The following TCF23 variants were observed in gnomAD, a reference collection of about 807,000 sequenced individuals.
TCF23 encodes class A basic helix-loop-helix protein 24.
In TCF23, 7 loss-of-function variants were observed where a neutral mutation model predicts 13.0. That is an observed-to-expected ratio of 0.54 (90% CI 0.31 to 1.01). TCF23 has a LOEUF of 1.01. Ranked by LOEUF, TCF23 falls within the 50% of genes least tolerant of loss-of-function variation. TCF23 has a pLI of 0.06. For synonymous variants in TCF23, 122 were observed against 119.5 expected, an observed-to-expected ratio of 1.02 and a Z score of -0.14; for missense variants, 257 against 289.8, an observed-to-expected ratio of 0.89 and a Z score of 0.82.
chr2:27,150,199 A>G lies in TCF23; in HGVS notation c.299A>G (p.Gln100Arg), dbSNP rs144811550. Residue 100 changes from glutamine (Q) to arginine (R), a missense_variant, in exon 2 of 3, where the codon CAG becomes CGG. Gln to Arg is a conservative substitution (Grantham distance 43). Transcript: ENST00000296096. This position sits in a 1 kb window ranked among gnomAD's most constrained non-coding sequence, Gnocchi z 4.1. ...CTGCGCCAGGCCTTCTTGGCCTTGC[A>G]GGCTGCTCTGCCTGCCGTGCCGCCC... The part of the protein sequence containing the change: ...RTLRQAFLAL[Q>R]AALPAVPPDT... The G allele has an allele frequency of 1.2e-6, 2 of 1,612,620 alleles. No homozygotes were observed. Among genetic ancestry groups the G allele is most frequent in the Admixed American group, 1.7e-5 (1 of 59,994 alleles).
intron 1 of TCF23, chr2:27,149,572 C>T: frequency 1.5e-6 from 1 of 655,024 alleles, no homozygotes; most frequent in Non-Finnish European, 2.8e-6. Flanking sequence ...TGCACTAACT[C>T]ACTTCTCTTG....
Position 27,150,758 on chromosome 2 carries a change from G to A in TCF23, c.465+393G>A, listed in dbSNP as rs1672750193. On this transcript the variant is annotated intron_variant, in intron 2 of 2. Transcript: ENST00000296096. The surrounding 1 kb of genome is among the most constrained non-coding windows in gnomAD (Gnocchi z 4.1). ...TTGTGCCTGCCTTGGTGCTTTCTAGGCTTCTGTTGCAAGAGAGGTCTGTCC... is the reference window on the plus strand; with the variant it reads ...TTGTGCCTGCCTTGGTGCTTTCTAGACTTCTGTTGCAAGAGAGGTCTGTCC... 6.6e-6 allele frequency among the ~76,000 whole-genome samples: 1 copy of A among 152,130 alleles called. No individual in the cohort carries two copies.
In TCF23 at chr2:27,155,581, T is replaced by A. The variant is rs939080448; in HGVS notation, c.*2714T>A. The A allele has an allele frequency of 6.6e-6, 1 of 151,492 alleles. No individual in the cohort carries two copies. The highest frequency in any genetic ancestry group is 1.5e-5 in the Non-Finnish European group (1 of 67,896). 9.4% of individuals were successfully genotyped at this position (151,492 alleles called of 1,614,324 possible). ...GATGAAACCCCTTCTTTACTAAAAA[T>A]ACAAAAATTAGCCAGATGTCGTAGT... On this transcript the variant is annotated 3_prime_UTR_variant, in exon 3 of 3. Coordinates refer to ENST00000296096, the MANE Select transcript of TCF23 (RefSeq NM_175769.3).
chr2:27,152,712 T>C lies in TCF23; in HGVS notation c.490T>C (p.Tyr164His), dbSNP rs1255926756. 2 of 1,614,000 alleles carry C rather than the reference T, an allele frequency of 1.2e-6. No homozygotes were observed. The highest frequency in any genetic ancestry group is 2.2e-5 in the East Asian group (1 of 44,880). Residue 164 changes from tyrosine (Y) to histidine (H), a missense_variant, in exon 3 of 3, where the codon TAT becomes CAT. Tyr to His is a moderately conservative substitution (Grantham distance 83, BLOSUM62 2). Coordinates refer to ENST00000296096, the MANE Select transcript of TCF23 (RefSeq NM_175769.3). ...LKKWPMRSRLYAGGLGYSDLD... is the reference protein window; with the variant it reads ...LKKWPMRSRLHAGGLGYSDLD... ...GAAGTGGCCGATGCGATCTCGTCTC[T>C]ATGCTGGAGGCCTGGGGTACTCCGA...
Position 27,153,977 on chromosome 2 carries a change from C to T in TCF23, c.*1110C>T, listed in dbSNP as rs1672801273. On this transcript the variant is annotated 3_prime_UTR_variant, in exon 3 of 3. Coordinates refer to ENST00000296096, the MANE Select transcript of TCF23 (RefSeq NM_175769.3). Reference sequence around the variant, plus strand: ...GCCCTCAAGCAAAAACAAGATAGGCCTGCCTTCAACTGCTCAACCACTCAA... The same window carrying T: ...GCCCTCAAGCAAAAACAAGATAGGCTTGCCTTCAACTGCTCAACCACTCAA... 6.6e-6 allele frequency: 1 copy of T among 152,192 alleles called. No individual in the cohort carries two copies. The highest frequency in any genetic ancestry group is 6.5e-5 in the Admixed American group (1 of 15,280). The allele number at this position is 152,192 out of a possible 1,614,324, so 9.4% of individuals were successfully genotyped here.
chr2:27,150,203 T>C lies in TCF23; in HGVS notation c.303T>C (p.Ala101=). 1 of 1,612,844 alleles carries C rather than the reference T, an allele frequency of 6.2e-7. No homozygotes were observed. Among genetic ancestry groups the C allele is most frequent in the South Asian group, 1.1e-5 (1 of 91,050 alleles). Residue 101 remains alanine, a synonymous_variant, in exon 2 of 3, where the codon GCT becomes GCC. Coordinates refer to ENST00000296096, the MANE Select transcript of TCF23 (RefSeq NM_175769.3). This position sits in a 1 kb window ranked among gnomAD's most constrained non-coding sequence, Gnocchi z 4.1. ...GCCAGGCCTTCTTGGCCTTGCAGGC[T>C]GCTCTGCCTGCCGTGCCGCCCGACA... The part of the protein sequence containing the change: ...TLRQAFLALQ[A]ALPAVPPDTK...
chr2:27,150,297 G>A lies in TCF23; in HGVS notation c.397G>A (p.Gly133Ser), dbSNP rs759113306. 36 of 1,613,630 alleles carry A rather than the reference G, an allele frequency of 2.2e-5. No homozygotes were observed. Among genetic ancestry groups the A allele is most frequent in the Middle Eastern group, 1.7e-4 (1 of 6,056 alleles). The change falls in exon 2 of 3, where the codon GGC becomes AGC. Residue 133 changes from glycine to serine, a missense_variant. By Grantham distance (56) the Gly-to-Ser change is moderately conservative (BLOSUM62 0). Coordinates refer to ENST00000296096, the MANE Select transcript of TCF23 (RefSeq NM_175769.3). This position sits in a 1 kb window ranked among gnomAD's most constrained non-coding sequence, Gnocchi z 4.1. The part of the protein sequence containing the change: ...SYIAHLTRTL[G>S]HELPGPAWPP... ...CATAGCCCACCTCACCCGCACACTC[G>A]GCCACGAGTTGCCTGGCCCTGCCTG...
At position 27,152,913 on chromosome 2, in the gene TCF23, G is replaced by A. The variant is rs929097236; in HGVS notation, c.*46G>A. On this transcript the variant is annotated 3_prime_UTR_variant, in exon 3 of 3. Transcript: ENST00000296096. ...TCCTAGACTGTGACTCATGCTTATGGGCCTGGATTTTCTACCAGCCCCCAG... is the reference window on the plus strand; with the variant it reads ...TCCTAGACTGTGACTCATGCTTATGAGCCTGGATTTTCTACCAGCCCCCAG... 6.4e-7 allele frequency: 1 copy of A among 1,566,318 alleles called. No homozygotes were observed. The highest frequency in any genetic ancestry group is 1.8e-5 in the Admixed American group (1 of 54,254).
rs1270461486 is a variant in TCF23 at position 27,154,208 on chromosome 2, G to A, written c.*1341G>A. 6.6e-6 allele frequency: 1 copy of A among 151,650 alleles called. No individual in the cohort carries two copies. Among genetic ancestry groups the A allele is most frequent in the Non-Finnish European group, 1.5e-5 (1 of 67,910 alleles). 9.4% of individuals were successfully genotyped at this position (151,650 alleles called of 1,614,324 possible). ...AGAAATAACTTGAGGACTAATCATA[G>A]AATCTACACACACTGAAAATAACTT... On this transcript the variant is annotated 3_prime_UTR_variant, in exon 3 of 3. Coordinates refer to ENST00000296096, the MANE Select transcript of TCF23 (RefSeq NM_175769.3).
At position 27,155,749 on chromosome 2, in the gene TCF23, A is replaced by T. The variant is rs1330148546; in HGVS notation, c.*2882A>T. The stretch of plus-strand genomic sequence containing the variant: ...CAAGACCCCATCTCGGGAAAAAAAA[A>T]TGAAAGAAAAAAAAAGAAAAGAAAA... On this transcript the variant is annotated 3_prime_UTR_variant, in exon 3 of 3. Transcript: ENST00000296096. The T allele has an allele frequency of 6.6e-6, 1 of 152,142 alleles. No individual in the cohort carries two copies. The highest frequency in any genetic ancestry group is 6.6e-5 in the Admixed American group (1 of 15,256). The allele number at this position is 152,142 out of a possible 1,614,324, so 9.4% of individuals were successfully genotyped here.
rs1233795102 is a variant in TCF23, at chr2:27,156,265, G to A, written c.*3398G>A. On this transcript the variant is annotated 3_prime_UTR_variant, in exon 3 of 3. Transcript: ENST00000296096. ...TGCTTGATCCCAGGAGGTGGAGTTT[G>A]CAGTGAGCTGAGATTGTGCCATTGC... 1.3e-5 allele frequency: 2 copies of A among 150,794 alleles called. No homozygotes were observed. Among genetic ancestry groups the A allele is most frequent in the African/African-American group, 4.9e-5 (2 of 41,006 alleles). 9.3% of individuals were successfully genotyped at this position (150,794 alleles called of 1,614,324 possible).
At chr2:27,152,183 A>G (rs1672770412) in intron 2 of TCF23, among the ~76,000 whole-genome samples, 1 of 152,250 alleles carries the variant, frequency 6.6e-6, no homozygotes, top group African/African-American at 2.4e-5. Flanking sequence ...GCACTCCAGC[A>G]CATCCACAGG....
rs1402639552 is a variant in TCF23 at position 27,156,361 on chromosome 2, G to C, written c.*3494G>C. ...AAAAAATGCGGCTGTGGGAGAAGCA[G>C]AGCTGGCCCAGTGATTTCTTTTTTT... On this transcript the variant is annotated 3_prime_UTR_variant, in exon 3 of 3. Transcript: ENST00000296096. 6.6e-6 allele frequency: 1 copy of C among 150,826 alleles called. No homozygotes were observed. The highest frequency in any genetic ancestry group is 2.4e-5 in the African/African-American group (1 of 41,086). 9.3% of individuals were successfully genotyped at this position (150,826 alleles called of 1,614,324 possible). A position where few individuals can be genotyped will look rare whatever the true frequency, so the allele number is the denominator to read the frequency against.
In TCF23 at chr2:27,155,714, G is replaced by A. The variant is rs2148431535; in HGVS notation, c.*2847G>A. ...GATCACGCCACTGCACTCCAGCCTG[G>A]GCGACAGAGCAAGACCCCATCTCGG... On this transcript the variant is annotated 3_prime_UTR_variant, in exon 3 of 3. Transcript: ENST00000296096. The A allele has an allele frequency of 6.6e-6, 1 of 151,574 alleles. No individual in the cohort carries two copies. The highest frequency in any genetic ancestry group is 1.5e-5 in the Non-Finnish European group (1 of 67,958). 9.4% of individuals were successfully genotyped at this position (151,574 alleles called of 1,614,324 possible). A position where few individuals can be genotyped will look rare whatever the true frequency, so the allele number is the denominator to read the frequency against.
intron 2 of TCF23, 95 bp from the exon 3 acceptor site, chr2:27,152,593 G>T: frequency 1.4e-6 from 2 of 1,443,206 alleles, no homozygotes; most frequent in South Asian, 2.6e-5. Flanking sequence ...GTCAGGGAGG[G>T]ATGCTGGAGA....
At chr2:27,152,526 T>C (rs1672775578) in intron 2 of TCF23, among the ~76,000 whole-genome samples, 162 bp from the exon 3 acceptor site, 1 of 152,132 alleles carries the variant, frequency 6.6e-6, no homozygotes, top group African/African-American at 2.4e-5. Flanking sequence ...ATCAGGAGAA[T>C]GTGTGGGGCT....
rs1440441578 is a variant in TCF23 at position 27,149,192 on chromosome 2, C to T, written c.59C>T (p.Thr20Ile). 6.4e-7 allele frequency: 1 copy of T among 1,552,906 alleles called. No individual in the cohort carries two copies. Among genetic ancestry groups the T allele is most frequent in the Non-Finnish European group, 8.7e-7 (1 of 1,148,186 alleles). ...ATGCCAGGGGTGGGGCATAGCCAGA[C>T]TCAGGCCAAAGCACGGTTGCTGCCA... ...PAMPGVGHSQTQAKARLLPGA... is the reference protein window; with the variant it reads ...PAMPGVGHSQIQAKARLLPGA... Residue 20 changes from threonine to isoleucine, a missense_variant, in exon 1 of 3, where the codon ACT becomes ATT. By Grantham distance (89) the Thr-to-Ile change is moderately conservative. Coordinates refer to ENST00000296096, the MANE Select transcript of TCF23 (RefSeq NM_175769.3).
Position 27,153,123 on chromosome 2 carries a change from A to G in TCF23, c.*256A>G. On this transcript the variant is annotated 3_prime_UTR_variant, in exon 3 of 3. Coordinates refer to ENST00000296096, the MANE Select transcript of TCF23 (RefSeq NM_175769.3). ...TGACAGCTACTGGGAAGTGGGAGAG[A>G]AAGAGGTATAATTGGGCTCAAAGTT... The G allele has an allele frequency of 1.3e-6, 1 of 780,456 alleles. No homozygotes were observed. The highest frequency in any genetic ancestry group is 1.8e-6 in the Non-Finnish European group (1 of 568,008). The allele number at this position is 780,456 out of a possible 1,614,324, so 48.3% of individuals were successfully genotyped here. A position where few individuals can be genotyped will look rare whatever the true frequency, so the allele number is the denominator to read the frequency against.
rs1672736119 is a variant in TCF23, at chr2:27,150,092, T to C, written c.223-31T>C. On this transcript the variant is annotated intron_variant, in intron 1 of 2. Coordinates refer to ENST00000296096, the MANE Select transcript of TCF23 (RefSeq NM_175769.3). This position sits in a 1 kb window ranked among gnomAD's most constrained non-coding sequence, Gnocchi z 4.1. ...AAGTCAGGGCAGTTGGGAGTCCAGG[T>C]CACACACACTCACTGGGGCCCTCTG... 1 of 1,580,318 alleles carries C rather than the reference T, an allele frequency of 6.3e-7. No homozygotes were observed. The highest frequency in any genetic ancestry group is 1.3e-5 in the African/African-American group (1 of 74,580).
Sources: allele counts gnomAD v4.1 joint callset (sites outside exome capture counted in the v4.1 genomes callset), GRCh38; gene constraint gnomAD v4.1.1; non-coding constraint Gnocchi (gnomAD v3.1); transcripts MANE v1.5; gene names NCBI Gene and HGNC (gene_info 2026-07-23, HGNC 2026-07-21).